PLCE1: variants seen among roughly 807,000 people sequenced by gnomAD.
PLCE1 encodes 1-phosphatidylinositol 4,5-bisphosphate phosphodiesterase epsilon-1.
A neutral mutation model predicts 242.8 loss-of-function variants in PLCE1; 119 were observed. The ratio of observed to expected loss-of-function variants is 0.49; its 90% CI spans 0.42 to 0.57. The LOEUF (loss-of-function observed/expected upper bound fraction) is 0.57, where lower values mean the gene tolerates loss of function less well. Among genes scored for constraint, PLCE1 ranks in the 20% least tolerant of loss-of-function variants. PLCE1 has a pLI of 0.00. For synonymous variants in PLCE1, 945 were observed against 1,017.4 expected, an observed-to-expected ratio of 0.93 and a Z score of 1.35; for missense variants, 2,441 against 2,788.8, an observed-to-expected ratio of 0.88 and a Z score of 2.81.
At chr10:94,210,784 G>A (rs918518255) in intron 4 of PLCE1, among the ~76,000 whole-genome samples, 1 of 152,140 alleles carries the variant, frequency 6.6e-6, no homozygotes, top group African/African-American at 2.4e-5. Context: ...GGAAGCAGAG[G>A]AAGTTTTCTT....
chr10:94,255,914 A>ACACTCTCT (rs1284531207), intron 11 of PLCE1, among the ~76,000 whole-genome samples: 126 of 67,318 alleles, frequency 1.9e-3, no homozygotes, highest in East Asian at 0.014. Flanking sequence ...ACACACACAC[A>ACACTCTCT]CTCTCTCTCT....
At position 94,223,233 on chromosome 10, in the gene PLCE1, C is replaced by CAAAAAAAAAAA. The variant is rs60764243; in HGVS notation, c.1810-4064_1810-4054dup. Among the ~76,000 whole-genome samples the CAAAAAAAAAAA allele has an allele frequency of 4.2e-3, 386 of 90,840 alleles. 8 individuals carry two copies. The highest frequency in any genetic ancestry group is 0.016 in the Middle Eastern group (2 of 128). 59.6% of individuals were successfully genotyped at this position (90,840 alleles called of 152,430 possible). On this transcript the variant is annotated intron_variant, in intron 4 of 32. Coordinates refer to ENST00000371380, the MANE Select transcript of PLCE1 (RefSeq NM_016341.4). ...GCAACATAGTGATACTCCATCTCTA[C>CAAAAAAAAAAA]AAAAAAAAAAAAAAAAAAATTGAAT... is the stretch of plus-strand genomic sequence containing the variant.
chr10:94,284,336 T>C (rs768949700), intron 21 of PLCE1, among the ~76,000 whole-genome samples: 5 of 152,174 alleles, frequency 3.3e-5, no homozygotes, highest in Non-Finnish European at 2.9e-5. Flanking sequence ...CAGCCTGGTA[T>C]GTCCAGGGAA....
Position 94,235,901 on chromosome 10 carries a change from A to T in PLCE1, c.2215-14A>T. On this transcript the variant is annotated splice_polypyrimidine_tract_variant and intron_variant, in intron 6 of 32. Transcript: ENST00000371380. ...ATTAAGTTGCAATAGCAAATTCTCG[A>T]TTTTTTTTTGTAGTTTGTAGCAGAT... The T allele has an allele frequency of 6.3e-7, 1 of 1,592,676 alleles. No individual in the cohort carries two copies. Among genetic ancestry groups the T allele is most frequent in the Non-Finnish European group, 8.6e-7 (1 of 1,162,314 alleles).
At chr10:94,125,352 G>A (rs1564711015) in intron 2 of PLCE1, among the ~76,000 whole-genome samples, 1 of 152,078 alleles carries the variant, frequency 6.6e-6, no homozygotes, top group Non-Finnish European at 1.5e-5. Context: ...GCTTAGACAT[G>A]GAGAGTCTTG....
chr10:94,132,444 C>T lies in PLCE1; in HGVS notation c.1477C>T (p.Arg493Ter), dbSNP rs121912601. The change falls in exon 3 of 33, where the codon CGA becomes TGA. Residue 493 changes from arginine to a stop codon, truncating the protein, a stop_gained. Coordinates refer to ENST00000371380, the MANE Select transcript of PLCE1 (RefSeq NM_016341.4). LOFTEE classifies it high-confidence loss of function. ...LLSTFGGSTG[R>*]MMLKERQPGP... ...CAGTACTTTTGGAGGATCCACTGGA[C>T]GAATGATGCTGAAAGGTAATGCCTG... The T allele has an allele frequency of 9.3e-6, 15 of 1,613,922 alleles. No homozygotes were observed. Among genetic ancestry groups the T allele is most frequent in the Middle Eastern group, 1.6e-4 (1 of 6,062 alleles).
Position 94,306,279 on chromosome 10 carries a change from C to T in PLCE1, c.5623-148C>T, listed in dbSNP as rs1020084175. The T allele has an allele frequency of 4.9e-6, 7 of 1,432,692 alleles. No individual in the cohort carries two copies. The highest frequency in any genetic ancestry group is 6.8e-6 in the Non-Finnish European group (7 of 1,027,612). 88.7% of individuals were successfully genotyped at this position (1,432,692 alleles called of 1,614,324 possible). On this transcript the variant is annotated intron_variant, in intron 25 of 32. Coordinates refer to ENST00000371380, the MANE Select transcript of PLCE1 (RefSeq NM_016341.4). The surrounding 1 kb of genome is among the most constrained non-coding windows in gnomAD (Gnocchi z 5.7). ...GCCACCGCGCCCAGCCCTACAATCA[C>T]TTACTTTTTAAACAGTTTTATTCAT...
intron 1 of PLCE1, among the ~76,000 whole-genome samples, chr10:94,029,251 G>T (rs1158648836): frequency 6.6e-6 from 1 of 152,116 alleles, no homozygotes; most frequent in Non-Finnish European, 1.5e-5. Flanking sequence ...CTGTCAATCT[G>T]AAGGCTTTGG....
At chr10:94,187,589 A>G (rs1259596803) in intron 4 of PLCE1, among the ~76,000 whole-genome samples, 1 of 152,028 alleles carries the variant, frequency 6.6e-6, no homozygotes, top group Non-Finnish European at 1.5e-5. Context: ...CTGGGCCTTA[A>G]TGCCTCAGCC....
intron 20 of PLCE1, chr10:94,280,249 G>A: frequency 2.8e-6 from 1 of 360,886 alleles, no homozygotes; most frequent in South Asian, 2.4e-5. Flanking sequence ...CGTAGACTGA[G>A]GTTGCGTCCT....
At chr10:94,270,771 G>A (rs1221489819) in intron 18 of PLCE1, among the ~76,000 whole-genome samples, 169 bp downstream of exon 18, 1 of 152,094 alleles carries the variant, frequency 6.6e-6, no homozygotes, top group Non-Finnish European at 1.5e-5. Flanking sequence ...TGAGGTTCAA[G>A]CGATTGTCCT....
chr10:94,290,793 C>A (rs539202241), intron 22 of PLCE1, among the ~76,000 whole-genome samples: 34 of 151,470 alleles, frequency 2.2e-4, no homozygotes, highest in African/African-American at 7.5e-4. Context: ...ATATATAAAC[C>A]AGTAACATAT....
Position 94,001,078 on chromosome 10 carries a change from C to T in PLCE1, c.-365+6820C>T, listed in dbSNP as rs557533532. Among the ~76,000 whole-genome samples the T allele has an allele frequency of 2.6e-5, 4 of 152,268 alleles. No homozygotes were observed. The South Asian group carries it at 6.2e-4, about 24-fold the overall frequency. On this transcript the variant is annotated intron_variant, in intron 1 of 32. Transcript: ENST00000371380. The stretch of plus-strand genomic sequence containing the variant: ...AAAGCCAAAAAGGCTCATAGGTCTG[C>T]CCTCAGCCCCCCATATCCCTCCTCT...
Position 94,030,717 on chromosome 10 carries a change from AT to A in PLCE1, c.-328del. On this transcript the variant is annotated 5_prime_UTR_variant, in exon 2 of 33. In the 5' UTR this introduces an upstream ATG that the reference lacks. Transcript: ENST00000371380. Reference sequence around the variant, plus strand: ...ATCATTCAAACTGGATTTTAAAATCATTGCAAATCAGTGATGGATCAGAAGT... The same window carrying A: ...ATCATTCAAACTGGATTTTAAAATCATGCAAATCAGTGATGGATCAGAAGT... The A allele has an allele frequency of 3.3e-6, 1 of 302,284 alleles. No individual in the cohort carries two copies. Among genetic ancestry groups the A allele is most frequent in the South Asian group, 4.3e-5 (1 of 23,478 alleles). The allele number at this position is 302,284 out of a possible 1,614,324, so 18.7% of individuals were successfully genotyped here. A position where few individuals can be genotyped will look rare whatever the true frequency, so the allele number is the denominator to read the frequency against.
intron 2 of PLCE1, among the ~76,000 whole-genome samples, chr10:94,068,895 C>T (rs191265316): frequency 8.9e-4 from 136 of 152,300 alleles, no homozygotes; most frequent in African/African-American, 3.1e-3. Context: ...TTCCTCTACT[C>T]GACCACAAAC....
chr10:94,130,990 C>T (rs1177022977), intron 2 of PLCE1, among the ~76,000 whole-genome samples: 7 of 152,200 alleles, frequency 4.6e-5, no homozygotes, highest in Non-Finnish European at 8.8e-5. Flanking sequence ...TTTTCTGTCT[C>T]CTTTACTAGA....
chr10:94,211,195 G>T (rs1258413946), intron 4 of PLCE1, among the ~76,000 whole-genome samples: 1 of 152,208 alleles, frequency 6.6e-6, no homozygotes, highest in Non-Finnish European at 1.5e-5. Context: ...GCCATCTGAG[G>T]TTAGTGCTCT....
Position 94,283,846 on chromosome 10 carries a change from G to T in PLCE1, c.4852G>T (p.Glu1618Ter). The T allele has an allele frequency of 1.2e-6, 2 of 1,612,072 alleles. No homozygotes were observed. The highest frequency in any genetic ancestry group is 2.2e-5 in the South Asian group (2 of 90,942). The stretch of plus-strand genomic sequence containing the variant: ...ATCATGTAATGACAAGCTTCAGTTT[G>T]AATATAATGAAGAAATCCCAAAGAG... ...NKSCNDKLQF[E>*]YNEEIPKRIK... is the part of the protein sequence containing the mutation. The change falls in exon 21 of 33, where the codon GAA (glutamate) becomes TAA (stop). Residue 1618 changes from glutamate to a stop codon, truncating the protein, a stop_gained. Transcript: ENST00000371380. LOFTEE classifies it high-confidence loss of function.
intron 3 of PLCE1, among the ~76,000 whole-genome samples, chr10:94,149,196 T>A (rs550801992): frequency 6.6e-6 from 1 of 152,308 alleles, no homozygotes; most frequent in South Asian, 2.1e-4. Flanking sequence ...GCTGCTAAAC[T>A]CCTCAGTCAG....
Sources: gnomAD v4.1 joint callset for allele counts (sites outside exome capture counted in the v4.1 genomes callset) on GRCh38, gnomAD v4.1.1 for gene constraint, Gnocchi (gnomAD v3.1) non-coding constraint, MANE v1.5 for transcripts, NCBI Gene and HGNC (gene_info 2026-07-23, HGNC 2026-07-21) for gene names.